PSD3: variants seen among roughly 807,000 people sequenced by gnomAD.
PSD3 encodes pleckstrin and Sec7 domain containing 3.
A neutral mutation model predicts 105.5 loss-of-function variants in PSD3; 49 were observed. The observed-to-expected ratio is 0.46, with a 90% CI of 0.37 to 0.59. The LOEUF (loss-of-function observed/expected upper bound fraction) is 0.59. PSD3 is among the 20% of genes least tolerant of loss of function. PSD3 has a pLI of 0.00. For synonymous variants in PSD3, 557 were observed against 457.8 expected (o/e 1.22, Z -2.77); for missense variants, 1,561 against 1,263.8 (o/e 1.24, Z -3.57).
Position 18,527,662 on chromosome 8 carries a change from C to A in PSD3, c.*8081G>T, listed in dbSNP as rs767143598. 4 of 152,554 alleles carry A rather than the reference C, an allele frequency of 2.6e-5. No homozygotes were observed. Among genetic ancestry groups the A allele is most frequent in the Admixed American group, 1.3e-4 (2 of 15,276 alleles). The allele number at this position is 152,554 out of a possible 1,614,324, so 9.5% of individuals were successfully genotyped here. On this transcript the variant is annotated 3_prime_UTR_variant, in exon 16 of 16. Transcript: ENST00000327040. The stretch of plus-strand genomic sequence containing the variant: ...AATTGTAAAATGTAAACTTAATTGT[C>A]AAAATATTCTTTAAACACTTTAACA...
chr8:18,927,337 C>T (rs2129468064), intron 2 of PSD3, among the ~76,000 whole-genome samples: 1 of 152,250 alleles, frequency 6.6e-6, no homozygotes, highest in Non-Finnish European at 1.5e-5. Context: ...CCTCAGCCTC[C>T]CGAGTAGCTG....
chr8:18,785,013 C>T (rs1319107016), intron 8 of PSD3, among the ~76,000 whole-genome samples: 1 of 152,108 alleles, frequency 6.6e-6, no homozygotes, highest in Non-Finnish European at 1.5e-5. Flanking sequence ...AACAACCTGT[C>T]CCCTTGCTGA....
intron 1 of PSD3, among the ~76,000 whole-genome samples, chr8:18,981,730 T>G (rs1233353562): frequency 6.6e-6 from 1 of 152,178 alleles, no homozygotes; most frequent in African/African-American, 2.4e-5. Flanking sequence ...GGAAGAGCAT[T>G]CTGTCTAAAA....
chr8:18,817,943 C>T (rs951434963), intron 4 of PSD3, among the ~76,000 whole-genome samples: 6 of 152,068 alleles, frequency 3.9e-5, no homozygotes, highest in Non-Finnish European at 8.8e-5. Flanking sequence ...ATATGCATTA[C>T]GTTTTTTGTT....
intron 12 of PSD3, among the ~76,000 whole-genome samples, chr8:18,575,510 T>A (rs1053053599): frequency 3.3e-5 from 5 of 152,158 alleles, no homozygotes; most frequent in Non-Finnish European, 7.4e-5. Flanking sequence ...GGCATTTTTT[T>A]AAAAATCAGT....
intron 1 of PSD3, among the ~76,000 whole-genome samples, chr8:19,024,364 C>T (rs1216646528): frequency 6.6e-6 from 1 of 152,150 alleles, no homozygotes; most frequent in Non-Finnish European, 1.5e-5. Flanking sequence ...CACTGCTGCT[C>T]TGCAGGGAGT....
chr8:18,816,031 C>G (rs1812194675), intron 4 of PSD3, among the ~76,000 whole-genome samples: 1 of 152,298 alleles, frequency 6.6e-6, no homozygotes, highest in East Asian at 1.9e-4. Context: ...CTGTCACTTC[C>G]TGCTTTCATC....
At chr8:18,717,698 A>C (rs1802690488) in intron 9 of PSD3, among the ~76,000 whole-genome samples, 1 of 152,116 alleles carries the variant, frequency 6.6e-6, no homozygotes, top group Admixed American at 6.5e-5. Context: ...ACTTGAGTCA[A>C]CTCCTGACTT....
intron 1 of PSD3, among the ~76,000 whole-genome samples, chr8:19,070,632 C>T (rs575790217): frequency 4.6e-5 from 7 of 152,174 alleles, no homozygotes; most frequent in South Asian, 2.1e-4. Flanking sequence ...GAGCTGAGAT[C>T]GTGCCACTGC....
intron 9 of PSD3, among the ~76,000 whole-genome samples, chr8:18,722,631 A>T (rs1008323805): frequency 6.6e-6 from 1 of 152,224 alleles, no homozygotes; most frequent in Non-Finnish European, 1.5e-5. Context: ...ATCATTAGAG[A>T]AAGATGTCAA....
intron 10 of PSD3, among the ~76,000 whole-genome samples, chr8:18,651,282 A>C (rs1372012415): frequency 6.6e-6 from 1 of 152,140 alleles, no homozygotes; most frequent in Non-Finnish European, 1.5e-5. Context: ...AAAAACCTAT[A>C]AGGTTTATAA....
chr8:18,901,047 G>C (rs1819470812), intron 2 of PSD3, among the ~76,000 whole-genome samples: 1 of 152,080 alleles, frequency 6.6e-6, no homozygotes, highest in Admixed American at 6.5e-5. Context: ...GTACAGTCTG[G>C]TGTATATAAG....
chr8:18,600,210 T>C lies in PSD3; in HGVS notation c.2481+154A>G, dbSNP rs1414367141. 7.9e-5 allele frequency among the ~76,000 whole-genome samples: 12 copies of C among 152,220 alleles called. No homozygotes were observed. The highest frequency in any genetic ancestry group is 1.6e-4 in the Non-Finnish European group (11 of 68,030). On this transcript the variant is annotated intron_variant, in intron 12 of 15. Coordinates refer to ENST00000327040, the MANE Select transcript of PSD3 (RefSeq NM_015310.4). ...GCAACTTAAAACTTAAAATCGTTTATTTCTGGAATTCTCCGCTGAAAATTT... is the reference window on the plus strand; with the variant it reads ...GCAACTTAAAACTTAAAATCGTTTACTTCTGGAATTCTCCGCTGAAAATTT...
intron 12 of PSD3, among the ~76,000 whole-genome samples, chr8:18,591,645 C>A (rs1803616604): frequency 6.6e-6 from 1 of 152,082 alleles, no homozygotes; most frequent in African/African-American, 2.4e-5. Flanking sequence ...GTGGCTGGCA[C>A]ACTTAGTGTA....
chr8:18,812,175 T>G (rs1811752066), intron 4 of PSD3, among the ~76,000 whole-genome samples: 1 of 152,122 alleles, frequency 6.6e-6, no homozygotes, highest in Non-Finnish European at 1.5e-5. Context: ...TATAGCACAA[T>G]CTGATGTTGA....
At chr8:19,064,553 G>A (rs1174392389) in intron 1 of PSD3, among the ~76,000 whole-genome samples, 3 of 151,990 alleles carry the variant, frequency 2.0e-5, no homozygotes, top group Admixed American at 2.0e-4. Flanking sequence ...TCAAGTAAAG[G>A]GAGAAACATT....
intron 2 of PSD3, among the ~76,000 whole-genome samples, chr8:18,921,594 A>G (rs1405197419): frequency 6.6e-6 from 1 of 152,238 alleles, no homozygotes; most frequent in Non-Finnish European, 1.5e-5. Flanking sequence ...TAAGAAAAAG[A>G]ACAAAAAAAT....
At chr8:18,965,723 A>G (rs1316317494) in intron 1 of PSD3, among the ~76,000 whole-genome samples, 4 of 152,242 alleles carry the variant, frequency 2.6e-5, no homozygotes, top group Non-Finnish European at 4.4e-5. Context: ...ATGGCAAGTG[A>G]AAACATGTGA....
In PSD3 at chr8:18,531,571, G is replaced by T. The variant is rs1308916490; in HGVS notation, c.*4172C>A. The T allele has an allele frequency of 6.6e-6, 1 of 152,304 alleles. No homozygotes were observed. Among genetic ancestry groups the T allele is most frequent in the Non-Finnish European group, 1.5e-5 (1 of 68,100 alleles). The allele number at this position is 152,304 out of a possible 1,614,324, so 9.4% of individuals were successfully genotyped here. On this transcript the variant is annotated 3_prime_UTR_variant, in exon 16 of 16. Transcript: ENST00000327040. ...GTGGAAAGAAATTTGCTGACATGTG[G>T]CAGAGCAGTGGCATGGCCTGGGAGA...
Sources: gnomAD v4.1 joint callset for allele counts (sites outside exome capture counted in the v4.1 genomes callset) on GRCh38, gnomAD v4.1.1 for gene constraint, MANE v1.5 for transcripts, NCBI Gene and HGNC (gene_info 2026-07-23, HGNC 2026-07-21) for gene names.